Variants in GFOD1 observed in about 807,000 individuals in gnomAD.
The protein encoded by GFOD1 is Gfo/Idh/MocA-like oxidoreductase domain containing 1, also known as glucose-fructose oxidoreductase domain-containing protein 1.
In GFOD1, 9 loss-of-function variants were observed where a neutral mutation model predicts 25.4. The ratio of observed to expected loss-of-function variants is 0.35; its 90% CI spans 0.21 to 0.62. The LOEUF (loss-of-function observed/expected upper bound fraction) is 0.62. Among genes scored for constraint, GFOD1 ranks in the 20% least tolerant of loss-of-function variants. The pLI is 0.72. For missense variants in GFOD1, 403 were observed against 556.9 expected, an observed-to-expected ratio of 0.72 and a Z score of 2.78; for synonymous variants, 253 against 245.6, an observed-to-expected ratio of 1.03 and a Z score of -0.28.
At chr6:13,450,527 G>C (rs752428419) in intron 1 of GFOD1, among the ~76,000 whole-genome samples, 1 of 152,126 alleles carries the variant, frequency 6.6e-6, no homozygotes, top group Non-Finnish European at 1.5e-5. Context: ...GATGAAGACC[G>C]GAGCACACCA....
chr6:13,385,226 G>C lies in GFOD1; in HGVS notation c.254-19564C>G, dbSNP rs146429538. Among the ~76,000 whole-genome samples, 55 of 152,258 alleles carry C rather than the reference G, an allele frequency of 3.6e-4. No homozygotes were observed. The East Asian group carries it at 0.01, about 29-fold the overall frequency. On this transcript the variant is annotated intron_variant, in intron 1 of 1. Coordinates refer to ENST00000379287, the MANE Select transcript of GFOD1 (RefSeq NM_018988.4). ...GGTGTGAGGTTGACAGTCTAATCTC[G>C]GGCGTGTGCCAGCCTTCCGTGTAGG...
At chr6:13,388,999 A>G (rs1293765331) in intron 1 of GFOD1, among the ~76,000 whole-genome samples, 1 of 152,268 alleles carries the variant, frequency 6.6e-6, no homozygotes, top group African/African-American at 2.4e-5. Flanking sequence ...TGCAGCCAAC[A>G]GACACATGAA....
chr6:13,473,892 C>T (rs1758560458), intron 1 of GFOD1, among the ~76,000 whole-genome samples: 1 of 152,132 alleles, frequency 6.6e-6, no homozygotes, highest in African/African-American at 2.4e-5. Context: ...AGGGGAAGTG[C>T]ACCCGGGACG....
intron 1 of GFOD1, among the ~76,000 whole-genome samples, chr6:13,451,014 A>C (rs367693609): frequency 6.6e-6 from 1 of 152,150 alleles, no homozygotes; most frequent in African/African-American, 2.4e-5. Flanking sequence ...TTCCTACCAC[A>C]CCTTGACCTT....
chr6:13,451,607 G>T (rs1412453307), intron 1 of GFOD1, among the ~76,000 whole-genome samples: 3 of 152,198 alleles, frequency 2.0e-5, no homozygotes, highest in Non-Finnish European at 4.4e-5. Flanking sequence ...CAGTAGCTTG[G>T]GGGAGAGGGG....
intron 1 of GFOD1, among the ~76,000 whole-genome samples, chr6:13,397,512 C>T (rs528778589): frequency 6.6e-6 from 1 of 152,308 alleles, no homozygotes; most frequent in East Asian, 1.9e-4. Context: ...TCTGCCATAA[C>T]CTGGAAGGGT....
rs927408268 is a variant in GFOD1, at chr6:13,365,944, C to T, written c.254-282G>A. ...ATAATGAGCCGGGCGTGGTGGTGCA[C>T]GCCTGTGGTCCCAGCTACTCAGGAG... On this transcript the variant is annotated intron_variant, in intron 1 of 1. Transcript: ENST00000379287. This position sits in a 1 kb window ranked among gnomAD's most constrained non-coding sequence, Gnocchi z 9.2. Among the ~76,000 whole-genome samples the T allele has an allele frequency of 3.4e-5, 5 of 148,868 alleles. No individual in the cohort carries two copies. Among genetic ancestry groups the T allele is most frequent in the African/African-American group, 4.9e-5 (2 of 40,692 alleles).
chr6:13,408,226 G>T, intron 1 of GFOD1: 1 of 355,528 alleles, frequency 2.8e-6, no homozygotes, highest in Non-Finnish European at 3.9e-6. Flanking sequence ...GGCAGGCAAA[G>T]GTTAATTTCC....
chr6:13,368,839 T>C (rs1178750852), intron 1 of GFOD1, among the ~76,000 whole-genome samples: 1 of 152,182 alleles, frequency 6.6e-6, no homozygotes, highest in Non-Finnish European at 1.5e-5. Context: ...GAGATTTTGA[T>C]GAAAGCTCCA....
At position 13,428,504 on chromosome 6, in the gene GFOD1, C is replaced by T. The variant is rs564977110; in HGVS notation, c.253+58134G>A. On this transcript the variant is annotated intron_variant, in intron 1 of 1. Coordinates refer to ENST00000379287, the MANE Select transcript of GFOD1 (RefSeq NM_018988.4). ...CCATCACCTTCTGATCTCAGGCCCC[C>T]AGTGCGATGCGATGCGCTGGCTTTT... Among the ~76,000 whole-genome samples the T allele has an allele frequency of 1.4e-4, 9 of 64,110 alleles. No homozygotes were observed. In the South Asian group the frequency reaches 5.3e-3, roughly 38 times the overall value. 42.1% of individuals were successfully genotyped at this position (64,110 alleles called of 152,430 possible).
At chr6:13,385,569 G>C (rs946208646) in intron 1 of GFOD1, among the ~76,000 whole-genome samples, 12 of 152,210 alleles carry the variant, frequency 7.9e-5, no homozygotes, top group African/African-American at 2.9e-4. Context: ...TCATTTTTCT[G>C]CTTTCTCAGT....
chr6:13,446,339 G>T (rs1173301522), intron 1 of GFOD1, among the ~76,000 whole-genome samples: 2 of 152,206 alleles, frequency 1.3e-5, no homozygotes, highest in African/African-American at 4.8e-5. Flanking sequence ...TGCCCCAGGA[G>T]AATGAGGGGG....
intron 1 of GFOD1, among the ~76,000 whole-genome samples, chr6:13,482,346 T>A (rs1758771611): frequency 6.7e-6 from 1 of 150,336 alleles, no homozygotes; most frequent in South Asian, 2.1e-4. Flanking sequence ...TTTAAAATAA[T>A]ATTTAAATTT....
rs1454623189 is a variant in GFOD1 at position 13,486,120 on chromosome 6, G to A, written c.253+518C>T. The A allele has an allele frequency of 3.0e-6, 3 of 986,952 alleles. No individual in the cohort carries two copies. In the East Asian group the frequency reaches 3.4e-4, roughly 112 times the overall value. The allele number at this position is 986,952 out of a possible 1,614,324, so 61.1% of individuals were successfully genotyped here. On this transcript the variant is annotated intron_variant, in intron 1 of 1. Coordinates refer to ENST00000379287, the MANE Select transcript of GFOD1 (RefSeq NM_018988.4). ...ACCCTAGCAGGGCGCCACCGCTGCT[G>A]AAGGGCAGGTCCTCTATCGCACCCA...
At chr6:13,444,934 A>G (rs1245364772) in intron 1 of GFOD1, among the ~76,000 whole-genome samples, 9 of 152,230 alleles carry the variant, frequency 5.9e-5, no homozygotes, top group Non-Finnish European at 4.4e-5. Flanking sequence ...AAACATAAAA[A>G]TTAAATATGT....
At chr6:13,485,695 G>C (rs554908243) in intron 1 of GFOD1, among the ~76,000 whole-genome samples, 1 of 152,278 alleles carries the variant, frequency 6.6e-6, no homozygotes, top group African/African-American at 2.4e-5. Flanking sequence ...GAGGGGAGCA[G>C]GGACCAGATG....
intron 1 of GFOD1, among the ~76,000 whole-genome samples, chr6:13,482,158 T>C (rs1409981210): frequency 6.7e-6 from 1 of 148,730 alleles, no homozygotes; most frequent in Non-Finnish European, 1.5e-5. Flanking sequence ...TATGTTAATA[T>C]ATGTATATAT....
intron 1 of GFOD1, among the ~76,000 whole-genome samples, chr6:13,370,547 T>G (rs4711978): frequency 0.54 from 82,290 of 151,636 alleles, 22,553 homozygotes; most frequent in East Asian, 0.68. Flanking sequence ...CCTCTCTCGG[T>G]GGGCTTCTGA....
chr6:13,449,124 A>T (rs1363874318), intron 1 of GFOD1, among the ~76,000 whole-genome samples: 4 of 151,894 alleles, frequency 2.6e-5, no homozygotes, highest in Non-Finnish European at 5.9e-5. Context: ...CCGTCTCTAC[A>T]AAAAAAACAT....
Sources: allele counts gnomAD v4.1 joint callset (sites outside exome capture counted in the v4.1 genomes callset), GRCh38; gene constraint gnomAD v4.1.1; non-coding constraint Gnocchi (gnomAD v3.1); transcripts MANE v1.5; gene names NCBI Gene and HGNC (gene_info 2026-07-23, HGNC 2026-07-21).